Variants in GET1 observed in about 807,000 individuals in gnomAD.
The protein encoded by GET1 is guided entry of tail-anchored proteins factor 1.
GET1 carries 20 observed loss-of-function variants against 22.6 expected under a neutral mutation model. The observed-to-expected ratio is 0.89, with a 90% CI of 0.62 to 1.29. The LOEUF is 1.29. GET1 is among the 50% of genes most tolerant of loss of function. GET1 has a pLI of 0.00. For missense variants in GET1, 209 were observed against 219.9 expected (o/e 0.95, Z 0.31); for synonymous variants, 92 against 83.8 (o/e 1.10, Z -0.53).
At chr21:39,404,827 A>G (rs1204223128) in intron 4 of GET1, among the ~76,000 whole-genome samples, 2 of 149,536 alleles carry the variant, frequency 1.3e-5, no homozygotes, top group East Asian at 2.0e-4. Context: ...ATACATACAT[A>G]TATGTATTTT....
rs770065612 is a variant in GET1, at chr21:39,393,263, T to G, written c.434T>G (p.Phe145Cys). ...ACCCCTCTAGACCGCCTGGTAGCCT[T>G]TCCTACTAGAGTAGCAGGTAAGAAT... ...WITPLDRLVAFPTRVAGGVGI... is the reference protein window; with the variant it reads ...WITPLDRLVACPTRVAGGVGI... The change falls in exon 4 of 5, where the codon TTT becomes TGT. Residue 145 changes from phenylalanine (F) to cysteine (C), a missense_variant. Physicochemically the swap from Phe to Cys is radical, Grantham distance 205 (BLOSUM62 -2). Transcript: ENST00000649170. The G allele has an allele frequency of 3.1e-6, 5 of 1,614,120 alleles. No individual in the cohort carries two copies. Among genetic ancestry groups the G allele is most frequent in the Middle Eastern group, 1.6e-4 (1 of 6,062 alleles).
chr21:39,386,533 G>A (rs1033681316), intron 1 of GET1: 8 of 152,344 alleles, frequency 5.3e-5, no homozygotes, highest in African/African-American at 1.9e-4. Flanking sequence ...GGCCGAGAGT[G>A]GCATCTGGGG....
At chr21:39,381,351 C>A (rs1395599441) in intron 1 of GET1, among the ~76,000 whole-genome samples, 1 of 152,164 alleles carries the variant, frequency 6.6e-6, no homozygotes, top group African/African-American at 2.4e-5. Context: ...TGGGCGCATT[C>A]GTTTCAGCGT....
At chr21:39,412,860 A>G (rs1227510563) in intron 1 of GET1, among the ~76,000 whole-genome samples, 1 of 152,184 alleles carries the variant, frequency 6.6e-6, no homozygotes, top group East Asian at 1.9e-4. Flanking sequence ...GAAAGGGCTA[A>G]ATACCCTCTC....
At chr21:39,423,390 A>G (rs1244909642) in intron 1 of GET1, 1 of 1,611,376 alleles carries the variant, frequency 6.2e-7, no homozygotes, top group African/African-American at 1.3e-5. Context: ...AGAGTATTCG[A>G]TGAGCCATAG....
intron 4 of GET1, among the ~76,000 whole-genome samples, chr21:39,403,427 C>T (rs1283788386): frequency 1.3e-5 from 2 of 149,524 alleles, no homozygotes; most frequent in South Asian, 4.2e-4. Context: ...CCCGGGTTCA[C>T]GCCATTCTCC....
intron 1 of GET1, among the ~76,000 whole-genome samples, chr21:39,418,552 G>A (rs1037799322): frequency 2.0e-5 from 3 of 151,934 alleles, no homozygotes; most frequent in Admixed American, 2.0e-4. Flanking sequence ...CCAGGGTGGA[G>A]TGCAGTGGCA....
downstream of GET1, among the ~76,000 whole-genome samples, chr21:39,401,802 T>C (rs2038846525): frequency 6.6e-6 from 1 of 152,196 alleles, no homozygotes; most frequent in Admixed American, 6.5e-5. Context: ...TTCGTTATTA[T>C]ATGTTATGGT....
intron 3 of GET1, 47 bp downstream of exon 3, chr21:39,391,883 G>A (rs765874984): frequency 1.2e-5 from 19 of 1,594,572 alleles, no homozygotes; most frequent in East Asian, 8.9e-5. Context: ...TGGTGACCCC[G>A]GCCTCCAGAG....
intron 1 of GET1, among the ~76,000 whole-genome samples, chr21:39,426,817 AC>A (rs1357665161): frequency 1.3e-5 from 2 of 152,188 alleles, no homozygotes; most frequent in Non-Finnish European, 2.9e-5. Context: ...GAAGTACTGG[AC>A]TTTTCATTTC....
At chr21:39,393,597 A>T (rs1336515897) in intron 4 of GET1, among the ~76,000 whole-genome samples, 1 of 152,128 alleles carries the variant, frequency 6.6e-6, no homozygotes, top group Admixed American at 6.6e-5. Context: ...GTATCTTTTC[A>T]ATCCCTATTA....
intron 1 of GET1, 154 bp downstream of exon 1, chr21:39,380,640 C>G (rs948442780): frequency 3.5e-6 from 5 of 1,440,938 alleles, no homozygotes; most frequent in Non-Finnish European, 4.5e-6. Context: ...TTGTTAGCGT[C>G]TAAAAGGTAC....
downstream of GET1, chr21:39,409,943 AATCAG>A (rs1327762774): frequency 1.7e-6 from 2 of 1,197,690 alleles, no homozygotes. This position sits in a 1 kb window ranked among gnomAD's most constrained non-coding sequence, Gnocchi z 4.2. Flanking sequence ...ATTTTAAAGA[AATCAG>A]ATAAGATAGA....
rs372436183 is a variant in GET1 at position 39,389,004 on chromosome 21, CA to C, written c.103-1692del. 2.2e-3 allele frequency among the ~76,000 whole-genome samples: 333 copies of C among 152,304 alleles called. 6 individuals are homozygous for C. The highest frequency in any genetic ancestry group is 0.015 in the South Asian group (72 of 4,816). On this transcript the variant is annotated intron_variant, in intron 1 of 4. Coordinates refer to ENST00000649170, the MANE Select transcript of GET1 (RefSeq NM_004627.6). ...CCTATCTGTGGAAACCACAGATCTC[CA>C]ATTGAAGCCAACACCACAAGATTCA...
chr21:39,403,661 G>A (rs1028221017), intron 4 of GET1, among the ~76,000 whole-genome samples: 24 of 150,668 alleles, frequency 1.6e-4, no homozygotes, highest in African/African-American at 4.4e-4. Context: ...TCACTCTGTC[G>A]CCCAGGCTAG....
intron 1 of GET1, among the ~76,000 whole-genome samples, chr21:39,385,403 T>C (rs1382203936): frequency 6.6e-6 from 1 of 152,100 alleles, no homozygotes; most frequent in Non-Finnish European, 1.5e-5. Flanking sequence ...ATCTCAGCTG[T>C]CCGCTGCGGT....
At chr21:39,390,585 C>CA in intron 1 of GET1, 113 bp from the exon 2 acceptor site, 1 of 1,415,272 alleles carries the variant, frequency 7.1e-7, no homozygotes. Context: ...GGGACGCACA[C>CA]AACTGGCTGG....
chr21:39,422,539 T>C (rs542313191), intron 1 of GET1: 1 of 194,998 alleles, frequency 5.1e-6, no homozygotes, highest in African/African-American at 2.3e-5. Flanking sequence ...TGAGGGAGAA[T>C]ACAAAGGCCC....
downstream of GET1, chr21:39,407,888 C>A (rs927256934): frequency 1.3e-5 from 2 of 152,250 alleles, no homozygotes; most frequent in African/African-American, 2.4e-5. Flanking sequence ...CAGTTTCCAC[C>A]AAACTGCAAC....
Sources: allele counts gnomAD v4.1 joint callset (sites outside exome capture counted in the v4.1 genomes callset), GRCh38; gene constraint gnomAD v4.1.1; non-coding constraint Gnocchi (gnomAD v3.1); transcripts MANE v1.5; gene names NCBI Gene and HGNC (gene_info 2026-07-23, HGNC 2026-07-21).